AMPH: variants seen among roughly 807,000 people sequenced by gnomAD.
The protein encoded by AMPH is amphiphysin.
Under a neutral mutation model 99.1 loss-of-function variants are expected in AMPH, and 49 were observed. The observed-to-expected ratio is 0.49, with a 90% CI of 0.39 to 0.63. AMPH has a LOEUF of 0.63. Ranked by LOEUF, AMPH falls within the 20% of genes least tolerant of loss-of-function variation. AMPH has a pLI of 0.00. For synonymous variants in AMPH, 314 were observed against 317.3 expected (o/e 0.99, Z 0.11); for missense variants, 759 against 863.4 (o/e 0.88, Z 1.52).
In AMPH at chr7:38,591,994, T is replaced by C. The variant is rs375359518; in HGVS notation, c.69+39289A>G. On this transcript the variant is annotated intron_variant, in intron 1 of 20. Transcript: ENST00000356264. ...TCACAGCCTTCAGAGCTTAGAGCCA[T>C]GAACAGAGATTTACCCACATATTTA... Among the ~76,000 whole-genome samples, 81 of 152,292 alleles carry C rather than the reference T, an allele frequency of 5.3e-4. No individual in the cohort carries two copies. In the South Asian group the frequency reaches 0.015, roughly 28 times the overall value.
chr7:38,494,148 G>A (rs888856570), intron 4 of AMPH, among the ~76,000 whole-genome samples: 6 of 152,078 alleles, frequency 3.9e-5, no homozygotes, highest in Admixed American at 1.3e-4. Flanking sequence ...TAGTGGAGAC[G>A]AGGTTTCACT....
At chr7:38,625,925 C>T (rs190108631) in intron 1 of AMPH, among the ~76,000 whole-genome samples, 1 of 152,040 alleles carries the variant, frequency 6.6e-6, no homozygotes, top group East Asian at 1.9e-4. Flanking sequence ...AATTGGACTT[C>T]AATCTTTAAA....
At chr7:38,600,119 G>A (rs936661327) in intron 1 of AMPH, among the ~76,000 whole-genome samples, 2 of 151,880 alleles carry the variant, frequency 1.3e-5, no homozygotes, top group African/African-American at 4.8e-5. Context: ...ATTTGTGATA[G>A]TTTAAAAAAA....
intron 10 of AMPH, 91 bp from the exon 11 acceptor site, chr7:38,461,502 T>C: frequency 6.7e-7 from 1 of 1,502,850 alleles, no homozygotes; most frequent in Admixed American, 1.7e-5. Flanking sequence ...CATGGACAGA[T>C]TGAGCTCTGA....
At chr7:38,628,091 T>TA (rs1394416410) in intron 1 of AMPH, among the ~76,000 whole-genome samples, 1 of 152,334 alleles carries the variant, frequency 6.6e-6, no homozygotes, top group East Asian at 1.9e-4. Context: ...TTAGGCTTGA[T>TA]AAAGTTTTTG....
rs562768825 is a variant in AMPH at position 38,395,662 on chromosome 7, A to G, written c.1399-1448T>C. On this transcript the variant is annotated intron_variant, in intron 17 of 20. Transcript: ENST00000356264. ...ACATATTTCAAAAATGGCTCTTACT[A>G]TCTGATGGGATTAGGATTAACTATT... Among the ~76,000 whole-genome samples, 6 of 152,340 alleles carry G rather than the reference A, an allele frequency of 3.9e-5. No homozygotes were observed. The South Asian group carries it at 1.2e-3, about 32-fold the overall frequency.
intron 2 of AMPH, among the ~76,000 whole-genome samples, chr7:38,505,333 T>C (rs536993311): frequency 1.6e-4 from 25 of 152,320 alleles, no homozygotes; most frequent in African/African-American, 5.8e-4. Flanking sequence ...TGAGGTATTC[T>C]GTATTTGAGT....
intron 1 of AMPH, among the ~76,000 whole-genome samples, chr7:38,544,596 T>C (rs1439551575): frequency 6.6e-6 from 1 of 152,180 alleles, no homozygotes; most frequent in African/African-American, 2.4e-5. Flanking sequence ...TTAAGAGACT[T>C]CATGGGTACA....
chr7:38,596,348 C>A (rs1793059248), intron 1 of AMPH, among the ~76,000 whole-genome samples: 1 of 152,158 alleles, frequency 6.6e-6, no homozygotes, highest in South Asian at 2.1e-4. Flanking sequence ...TCAGTTCCAG[C>A]CTGGGCACAC....
chr7:38,401,926 T>C (rs1356012819), intron 17 of AMPH, among the ~76,000 whole-genome samples: 2 of 152,136 alleles, frequency 1.3e-5, no homozygotes, highest in African/African-American at 4.8e-5. Context: ...TTCTTCAGGA[T>C]GAACTTCTAC....
intron 1 of AMPH, among the ~76,000 whole-genome samples, chr7:38,628,797 T>C (rs1248244608): frequency 6.6e-6 from 1 of 152,192 alleles, no homozygotes. Context: ...CCTTGTGGTT[T>C]TTTTCTGCTG....
At chr7:38,606,566 C>CTTTTT (rs56934636) in intron 1 of AMPH, among the ~76,000 whole-genome samples, 14 of 97,290 alleles carry the variant, frequency 1.4e-4, no homozygotes, top group Non-Finnish European at 1.9e-4. Context: ...ACGTCATTCT[C>CTTTTT]TTTTTTTTTT....
At chr7:38,628,965 G>A (rs1023099521) in intron 1 of AMPH, among the ~76,000 whole-genome samples, 9 of 152,212 alleles carry the variant, frequency 5.9e-5, no homozygotes, top group Admixed American at 1.3e-4. Context: ...AAGCACAGAT[G>A]ATAAGAAAGT....
intron 9 of AMPH, 88 bp downstream of exon 9, chr7:38,465,379 G>A: frequency 8.7e-7 from 1 of 1,143,498 alleles, no homozygotes; most frequent in Non-Finnish European, 1.2e-6. Flanking sequence ...ACTTTTGTAG[G>A]ATAAATAAAA....
At chr7:38,412,977 G>A (rs947065510) in intron 17 of AMPH, among the ~76,000 whole-genome samples, 18 of 152,162 alleles carry the variant, frequency 1.2e-4, no homozygotes, top group Admixed American at 6.5e-5. Context: ...ACAGGGACTG[G>A]GTCCATTGCC....
chr7:38,611,122 A>G (rs1316345528), intron 1 of AMPH, among the ~76,000 whole-genome samples: 1 of 152,256 alleles, frequency 6.6e-6, no homozygotes, highest in African/African-American at 2.4e-5. Flanking sequence ...CATAAAATGG[A>G]ATGTGATTCC....
chr7:38,613,682 AT>A (rs1292986222), intron 1 of AMPH, among the ~76,000 whole-genome samples: 1 of 152,132 alleles, frequency 6.6e-6, no homozygotes, highest in African/African-American at 2.4e-5. Context: ...GTGAAAGTAT[AT>A]TCTTAAGTTG....
At chr7:38,556,286 C>G (rs1017428422) in intron 1 of AMPH, among the ~76,000 whole-genome samples, 1 of 152,146 alleles carries the variant, frequency 6.6e-6, no homozygotes, top group Middle Eastern at 3.4e-3. Context: ...AAATACTAGC[C>G]GAAGCACTGA....
Position 38,587,068 on chromosome 7 carries a change from G to A in AMPH, c.69+44215C>T, listed in dbSNP as rs117831611. 5.9e-3 allele frequency among the ~76,000 whole-genome samples: 900 copies of A among 152,188 alleles called. 80 individuals carry two copies. In the East Asian group the frequency reaches 0.16, roughly 26 times the overall value. On this transcript the variant is annotated intron_variant, in intron 1 of 20. Transcript: ENST00000356264. The stretch of plus-strand genomic sequence containing the variant: ...AATCCACACCTATTCTGAATCTCTA[G>A]TGTGCTAATGAATAAAATGACCAGT...
Sources: gnomAD v4.1 joint callset for allele counts (sites outside exome capture counted in the v4.1 genomes callset) on GRCh38, gnomAD v4.1.1 for gene constraint, MANE v1.5 for transcripts, NCBI Gene and HGNC (gene_info 2026-07-23, HGNC 2026-07-21) for gene names.